Variants in NCAM2 observed in about 807,000 individuals in gnomAD.
NCAM2 encodes the protein N-CAM-2.
Under a neutral mutation model 98.1 loss-of-function variants are expected in NCAM2, and 30 were observed. The observed-to-expected ratio is 0.31, with a 90% confidence interval of 0.23 to 0.41. The LOEUF is 0.41. NCAM2 is among the 10% of genes least tolerant of loss of function. NCAM2 has a pLI of 1.00. For missense variants in NCAM2, 867 were observed against 1,005.8 expected, an observed-to-expected ratio of 0.86 and a Z score of 1.87; for synonymous variants, 368 against 342.4, an observed-to-expected ratio of 1.07 and a Z score of -0.83.
chr21:21,367,672 C>A lies in NCAM2; in HGVS notation c.1045-6191C>A, dbSNP rs370529783. Among the ~76,000 whole-genome samples, 7 of 151,968 alleles carry A rather than the reference C, an allele frequency of 4.6e-5. No homozygotes were observed. The East Asian group carries it at 1.4e-3, about 29-fold the overall frequency. ...TAGATCTGCATATCAGTAGCTTTAGCCAATTTATTATGTACTTTACAGATG... is the reference window on the plus strand; with the variant it reads ...TAGATCTGCATATCAGTAGCTTTAGACAATTTATTATGTACTTTACAGATG... On this transcript the variant is annotated intron_variant, in intron 8 of 17. Transcript: ENST00000400546.
intron 15 of NCAM2, among the ~76,000 whole-genome samples, chr21:21,495,099 G>GT: frequency 6.6e-6 from 1 of 151,896 alleles, no homozygotes; most frequent in Admixed American, 6.6e-5. Flanking sequence ...GAGGGATTGT[G>GT]TAGATATTTT....
intron 1 of NCAM2, among the ~76,000 whole-genome samples, chr21:21,109,345 G>T (rs571997320): frequency 6.6e-6 from 1 of 151,828 alleles, no homozygotes; most frequent in Non-Finnish European, 1.5e-5. Context: ...AAATATAAAA[G>T]GTAGCTAAAT....
At chr21:21,174,424 T>A (rs537098061) in intron 1 of NCAM2, among the ~76,000 whole-genome samples, 257 of 152,312 alleles carry the variant, frequency 1.7e-3, no homozygotes, top group South Asian at 3.7e-3. Flanking sequence ...AATATTAGTT[T>A]TTATCTGAAA....
rs1212884342 is a variant in NCAM2, at chr21:21,177,373, TA to T, written c.56-103201del. Among the ~76,000 whole-genome samples the T allele has an allele frequency of 1.8e-4, 7 of 38,142 alleles. 1 individual carries two copies. The highest frequency in any genetic ancestry group is 0.034 in the Middle Eastern group (2 of 58). The allele number at this position is 38,142 out of a possible 152,430, so 25.0% of individuals were successfully genotyped here. Reference sequence around the variant, plus strand: ...CAAAATCCATATTTATTCATATCTTTAAAAGTGCATTTGCAGATGTCTAGAA... The same window carrying T: ...CAAAATCCATATTTATTCATATCTTTAAAGTGCATTTGCAGATGTCTAGAA... On this transcript the variant is annotated intron_variant, in intron 1 of 17. Coordinates refer to ENST00000400546, the MANE Select transcript of NCAM2 (RefSeq NM_004540.5).
chr21:21,284,293 G>A lies in NCAM2; in HGVS notation c.230G>A (p.Arg77Gln), dbSNP rs769244795. ...VVVQKEGVRSRLTIYNANIED... is the reference protein window; with the variant it reads ...VVVQKEGVRSQLTIYNANIED... ...GTGCAAAAGGAAGGTGTTAGGTCAC[G>A]GTTAACCATCTACAATGCAAATATA... The change falls in exon 3 of 18, where the codon CGG (arginine) becomes CAG (glutamine). Residue 77 changes from arginine (R) to glutamine (Q), a missense_variant. This residue lies in a region of NCAM2 where 447 missense variants were observed against 495.7 expected (regional missense o/e 0.90). Coordinates refer to ENST00000400546, the MANE Select transcript of NCAM2 (RefSeq NM_004540.5). 22 of 1,611,820 alleles carry A rather than the reference G, an allele frequency of 1.4e-5. No individual in the cohort carries two copies. The highest frequency in any genetic ancestry group is 3.3e-5 in the Admixed American group (2 of 59,874).
intron 16 of NCAM2, among the ~76,000 whole-genome samples, chr21:21,517,754 A>G (rs967035814): frequency 6.6e-6 from 1 of 152,154 alleles, no homozygotes; most frequent in Admixed American, 6.6e-5. Flanking sequence ...GCTACTCGGG[A>G]GGCTGAGACA....
At chr21:21,129,834 A>G (rs975675296) in intron 1 of NCAM2, among the ~76,000 whole-genome samples, 3 of 152,208 alleles carry the variant, frequency 2.0e-5, no homozygotes, top group East Asian at 1.9e-4. Flanking sequence ...ATGAATCTGT[A>G]TATTTTCACG....
At chr21:21,495,047 T>C (rs969455074) in intron 15 of NCAM2, among the ~76,000 whole-genome samples, 1 of 151,902 alleles carries the variant, frequency 6.6e-6, no homozygotes, top group Non-Finnish European at 1.5e-5. Context: ...AGTGGTTCAC[T>C]TTTTACACAA....
In NCAM2 at chr21:21,543,069, A is replaced by T. The variant is rs1990297017; in HGVS notation, c.*5112A>T. The T allele has an allele frequency of 6.6e-6, 1 of 151,830 alleles. No individual in the cohort carries two copies. The highest frequency in any genetic ancestry group is 2.4e-5 in the African/African-American group (1 of 41,394). The allele number at this position is 151,830 out of a possible 1,614,324, so 9.4% of individuals were successfully genotyped here. A position where few individuals can be genotyped will look rare whatever the true frequency, so the allele number is the denominator to read the frequency against. The stretch of plus-strand genomic sequence containing the variant: ...TATGCTGTGCTCAGTATGTACTGAA[A>T]CATACTATCTTTTATTTTCTTTAAT... On this transcript the variant is annotated 3_prime_UTR_variant, in exon 18 of 18. Transcript: ENST00000400546.
intron 2 of NCAM2, 71 bp from the exon 3 acceptor site, chr21:21,284,123 T>A: frequency 8.6e-7 from 1 of 1,166,292 alleles, no homozygotes; most frequent in South Asian, 1.3e-5. Context: ...TATTACATAA[T>A]AGTAAATGCC....
At chr21:21,262,365 G>C (rs1299613016) in intron 1 of NCAM2, among the ~76,000 whole-genome samples, 1 of 151,944 alleles carries the variant, frequency 6.6e-6, no homozygotes, top group Non-Finnish European at 1.5e-5. Context: ...TATTAAACCA[G>C]TATTACCCTG....
intron 1 of NCAM2, among the ~76,000 whole-genome samples, chr21:21,117,885 A>G (rs1459216909): frequency 2.6e-5 from 4 of 152,220 alleles, no homozygotes; most frequent in African/African-American, 9.6e-5. Context: ...GTATTAGGGT[A>G]TACTAAAAAG....
rs532928745 is a variant in NCAM2, at chr21:21,441,433, C to A, written c.1654+9152C>A. Reference sequence around the variant, plus strand: ...TTAAAAAATCTAATTACTAAATATTCTCCAACAAATATATACTTAGTATAT... The same window carrying A: ...TTAAAAAATCTAATTACTAAATATTATCCAACAAATATATACTTAGTATAT... On this transcript the variant is annotated intron_variant, in intron 12 of 17. Coordinates refer to ENST00000400546, the MANE Select transcript of NCAM2 (RefSeq NM_004540.5). 4.2e-3 allele frequency among the ~76,000 whole-genome samples: 638 copies of A among 152,184 alleles called. 2 individuals carry two copies. Among genetic ancestry groups the A allele is most frequent in the Non-Finnish European group, 6.7e-3 (453 of 68,014 alleles).
intron 1 of NCAM2, among the ~76,000 whole-genome samples, chr21:21,023,521 TAAAA>T (rs960175416): frequency 1.3e-4 from 18 of 140,842 alleles, no homozygotes; most frequent in Admixed American, 2.1e-4. Flanking sequence ...GAGACTCCAT[TAAAA>T]AAAAAAAAAG....
intron 1 of NCAM2, among the ~76,000 whole-genome samples, chr21:21,098,073 G>A (rs2066161049): frequency 1.0e-5 from 1 of 97,026 alleles, no homozygotes; most frequent in African/African-American, 3.0e-5. Flanking sequence ...TGAGAATTTA[G>A]TTTTATGAAG....
intron 12 of NCAM2, among the ~76,000 whole-genome samples, chr21:21,453,587 T>C (rs1390998228): frequency 2.6e-5 from 4 of 152,094 alleles, no homozygotes; most frequent in Admixed American, 6.6e-5. Flanking sequence ...TTAAAAGGGA[T>C]CATTTTGAGT....
intron 1 of NCAM2, among the ~76,000 whole-genome samples, chr21:21,096,627 A>G (rs2066130097): frequency 6.6e-6 from 1 of 151,794 alleles, no homozygotes; most frequent in Admixed American, 6.6e-5. Flanking sequence ...ACCACAAGCA[A>G]GAATCTTTTC....
chr21:21,382,783 G>A (rs1208649726), intron 9 of NCAM2, among the ~76,000 whole-genome samples: 1 of 151,886 alleles, frequency 6.6e-6, no homozygotes, highest in South Asian at 2.1e-4. Context: ...GTCTGTCTCG[G>A]CCTCCCAAAG....
chr21:21,059,942 A>G (rs1485034225), intron 1 of NCAM2, among the ~76,000 whole-genome samples: 2 of 152,126 alleles, frequency 1.3e-5, no homozygotes, highest in Non-Finnish European at 2.9e-5. Flanking sequence ...TGTTGGAGCA[A>G]TTATTTGATA....
Sources: gnomAD v4.1 joint callset for allele counts (sites outside exome capture counted in the v4.1 genomes callset) on GRCh38, gnomAD v4.1.1 for gene constraint, gnomAD v4.1.1 regional missense constraint, MANE v1.5 for transcripts, NCBI Gene and HGNC (gene_info 2026-07-23, HGNC 2026-07-21) for gene names.